Variants in TMEM178B observed in about 807,000 individuals in gnomAD.
The protein encoded by TMEM178B is transmembrane protein 178B.
In TMEM178B, 5 loss-of-function variants were observed where a neutral mutation model predicts 31.0. The observed-to-expected ratio is 0.16, with a 90% CI of 0.08 to 0.34. TMEM178B has a LOEUF of 0.34. Ranked by LOEUF, TMEM178B falls within the 10% of genes least tolerant of loss-of-function variation. The pLI, the probability that TMEM178B is intolerant of heterozygous loss-of-function variation, is 1.00. For synonymous variants in TMEM178B, 164 were observed against 164.0 expected (o/e 1.00, Z 0.00); for missense variants, 275 against 400.3 (o/e 0.69, Z 2.67).
At chr7:141,420,939 G>T (rs970801082) in intron 2 of TMEM178B, among the ~76,000 whole-genome samples, 3 of 152,156 alleles carry the variant, frequency 2.0e-5, no homozygotes, top group African/African-American at 7.2e-5. Flanking sequence ...CTAACTTCCA[G>T]GTAGCAAGGA....
chr7:141,466,359 T>C (rs1802147512), intron 3 of TMEM178B, among the ~76,000 whole-genome samples: 1 of 152,216 alleles, frequency 6.6e-6, no homozygotes, highest in South Asian at 2.1e-4. Context: ...TGAGTCATTT[T>C]CTACTGGTAC....
intron 2 of TMEM178B, among the ~76,000 whole-genome samples, chr7:141,348,473 G>A (rs1196534456): frequency 6.6e-6 from 1 of 152,196 alleles, no homozygotes; most frequent in African/African-American, 2.4e-5. Context: ...AGAAAGACAG[G>A]TTTCTGGAAG....
chr7:141,095,392 T>C (rs1794940294), intron 1 of TMEM178B, among the ~76,000 whole-genome samples: 1 of 152,218 alleles, frequency 6.6e-6, no homozygotes, highest in Non-Finnish European at 1.5e-5. Context: ...TCTGGTAATA[T>C]GATGAGTTCT....
At chr7:141,217,547 A>G (rs1033623285) in intron 2 of TMEM178B, among the ~76,000 whole-genome samples, 5 of 152,174 alleles carry the variant, frequency 3.3e-5, no homozygotes, top group Non-Finnish European at 7.4e-5. Context: ...CTGAGGTTGC[A>G]GGGCAGACAC....
chr7:141,419,034 A>C (rs1325209113), intron 2 of TMEM178B, among the ~76,000 whole-genome samples: 1 of 152,058 alleles, frequency 6.6e-6, no homozygotes, highest in Non-Finnish European at 1.5e-5. Context: ...CAGCCTACCG[A>C]ATAGCTGGGA....
intron 2 of TMEM178B, among the ~76,000 whole-genome samples, chr7:141,306,268 A>G (rs1798814298): frequency 6.6e-6 from 1 of 152,214 alleles, no homozygotes; most frequent in African/African-American, 2.4e-5. Flanking sequence ...CCTGCTCATC[A>G]GTATTCAGTA....
chr7:141,337,325 T>C (rs930612730), intron 2 of TMEM178B, among the ~76,000 whole-genome samples: 9 of 142,386 alleles, frequency 6.3e-5, no homozygotes, highest in African/African-American at 2.4e-4. Context: ...ATATTCATCA[T>C]CACCATCACC....
intron 1 of TMEM178B, among the ~76,000 whole-genome samples, chr7:141,110,772 C>T (rs185157670): frequency 3.9e-5 from 6 of 152,260 alleles, no homozygotes; most frequent in African/African-American, 1.4e-4. Flanking sequence ...GTGGCTGTAT[C>T]TGGGGTAAGG....
chr7:141,358,226 T>A (rs1002335105), intron 2 of TMEM178B, among the ~76,000 whole-genome samples: 2 of 152,222 alleles, frequency 1.3e-5, no homozygotes, highest in Non-Finnish European at 2.9e-5. Context: ...AGATACTCAG[T>A]ATCTAATTTC....
chr7:141,433,771 T>A (rs937404407), intron 2 of TMEM178B, among the ~76,000 whole-genome samples: 66 of 152,214 alleles, frequency 4.3e-4, no homozygotes, highest in African/African-American at 1.5e-3. Context: ...ACCTTATAAG[T>A]TGTTGTTGCA....
chr7:141,323,363 A>G (rs1174530181), intron 2 of TMEM178B, among the ~76,000 whole-genome samples: 2 of 152,238 alleles, frequency 1.3e-5, no homozygotes, highest in Non-Finnish European at 2.9e-5. Context: ...CATATGAGAT[A>G]CATACATGTT....
At position 141,472,618 on chromosome 7, in the gene TMEM178B, A is replaced by G. The variant is rs1407232932; in HGVS notation, c.*1832A>G. 6.6e-6 allele frequency: 1 copy of G among 152,204 alleles called. No individual in the cohort carries two copies. The highest frequency in any genetic ancestry group is 1.5e-5 in the Non-Finnish European group (1 of 68,052). The allele number at this position is 152,204 out of a possible 1,614,324, so 9.4% of individuals were successfully genotyped here. ...CAGAGAATCCCCTTGTTTCATAAAC[A>G]AATATGCTTTGGGAGCTTTGCCAGG... is the stretch of plus-strand genomic sequence containing the variant. On this transcript the variant is annotated 3_prime_UTR_variant, in exon 4 of 4. Coordinates refer to ENST00000565468, the MANE Select transcript of TMEM178B (RefSeq NM_001195278.2).
intron 2 of TMEM178B, among the ~76,000 whole-genome samples, chr7:141,308,765 G>A (rs1798860573): frequency 2.0e-5 from 3 of 152,170 alleles, no homozygotes; most frequent in Admixed American, 2.0e-4. Context: ...GAGTTCCAAA[G>A]AGGCTGTGCA....
chr7:141,320,352 C>T (rs528774741), intron 2 of TMEM178B, among the ~76,000 whole-genome samples: 86 of 152,264 alleles, frequency 5.6e-4, no homozygotes, highest in African/African-American at 2.0e-3. Flanking sequence ...GTTCATAACA[C>T]ATTGGCCATT....
chr7:141,241,596 A>AAAG, intron 2 of TMEM178B, among the ~76,000 whole-genome samples: 1 of 151,190 alleles, frequency 6.6e-6, no homozygotes, highest in East Asian at 1.9e-4. Flanking sequence ...GTCTCAAAAA[A>AAAG]AAAAAAAAAA....
chr7:141,394,929 A>G (rs1800610695), intron 2 of TMEM178B, among the ~76,000 whole-genome samples: 1 of 152,148 alleles, frequency 6.6e-6, no homozygotes, highest in African/African-American at 2.4e-5. Context: ...CTATGTTTTA[A>G]CTATGTGTTC....
In TMEM178B at chr7:141,074,166, AGGCGGGGGCCGAGGGGGCGCCGC is replaced by A; in HGVS notation, c.-140_-118del. 1 of 1,207,282 alleles carries A rather than the reference AGGCGGGGGCCGAGGGGGCGCCGC, an allele frequency of 8.3e-7. No individual in the cohort carries two copies. Among genetic ancestry groups the A allele is most frequent in the Non-Finnish European group, 1.1e-6 (1 of 912,726 alleles). The allele number at this position is 1,207,282 out of a possible 1,614,324, so 74.8% of individuals were successfully genotyped here. On this transcript the variant is annotated 5_prime_UTR_variant, in exon 1 of 4. Coordinates refer to ENST00000565468, the MANE Select transcript of TMEM178B (RefSeq NM_001195278.2). This position sits in a 1 kb window ranked among gnomAD's most constrained non-coding sequence, Gnocchi z 5.1. ...CGCAGTCCCCGGGCCGTGCTCCGGT[AGGCGGGGGCCGAGGGGGCGCCGC>A]GGCGCGAGTCCCTCTCCTGCCCCCT...
the TMEM178B span, among the ~76,000 whole-genome samples, chr7:141,494,952 A>G: frequency 1.4e-4 from 21 of 152,330 alleles, no homozygotes; most frequent in East Asian, 3.9e-3. Flanking sequence ...GTTGATAACT[A>G]TTGAAGCCGG....
intron 1 of TMEM178B, among the ~76,000 whole-genome samples, chr7:141,190,275 G>A (rs540903307): frequency 5.1e-4 from 77 of 151,992 alleles, no homozygotes; most frequent in Non-Finnish European, 8.7e-4. Context: ...CTAACACAAG[G>A]CCTATTTTAT....
Sources: allele counts gnomAD v4.1 joint callset (sites outside exome capture counted in the v4.1 genomes callset), GRCh38; gene constraint gnomAD v4.1.1; non-coding constraint Gnocchi (gnomAD v3.1); transcripts MANE v1.5; gene names NCBI Gene and HGNC (gene_info 2026-07-23, HGNC 2026-07-21).